Variants in CNTNAP2 observed in about 807,000 individuals in gnomAD.
CNTNAP2 encodes contactin associated protein 2.
CNTNAP2 carries 98 observed loss-of-function variants against 155.2 expected under a neutral mutation model. The observed-to-expected ratio is 0.63, with a 90% CI of 0.54 to 0.75. The LOEUF (loss-of-function observed/expected upper bound fraction) is 0.75, where lower values mean the gene tolerates loss of function less well. Among genes scored for constraint, CNTNAP2 ranks in the 30% least tolerant of loss-of-function variants. CNTNAP2 has a pLI of 0.00. For synonymous variants in CNTNAP2, 651 were observed against 631.2 expected (o/e 1.03, Z -0.47); for missense variants, 1,727 against 1,688.1 (o/e 1.02, Z -0.40).
chr7:146,787,234 G>A (rs1802589483), intron 2 of CNTNAP2, among the ~76,000 whole-genome samples: 1 of 152,146 alleles, frequency 6.6e-6, no homozygotes, highest in East Asian at 1.9e-4. Context: ...AAAATCACGT[G>A]CTTCTGAGGT....
At chr7:148,272,044 C>G (rs1367781034) in intron 21 of CNTNAP2, among the ~76,000 whole-genome samples, 1 of 152,088 alleles carries the variant, frequency 6.6e-6, no homozygotes, top group Non-Finnish European at 1.5e-5. Flanking sequence ...TTGATGAGCA[C>G]TCCTCAAAAA....
chr7:148,228,724 A>T (rs1475896588), intron 19 of CNTNAP2, among the ~76,000 whole-genome samples: 1 of 150,144 alleles, frequency 6.7e-6, no homozygotes, highest in Admixed American at 6.7e-5. Flanking sequence ...GCTACTGGGG[A>T]TGCTGAGACA....
chr7:147,618,280 G>A (rs1182568347), intron 12 of CNTNAP2, among the ~76,000 whole-genome samples: 4 of 152,088 alleles, frequency 2.6e-5, no homozygotes, highest in Non-Finnish European at 5.9e-5. Context: ...TAGACCATAA[G>A]GCAGCTAAGG....
At chr7:146,924,510 C>T (rs1223697279) in intron 3 of CNTNAP2, among the ~76,000 whole-genome samples, 3 of 152,060 alleles carry the variant, frequency 2.0e-5, no homozygotes, top group African/African-American at 7.2e-5. Flanking sequence ...AGCCAGAGTT[C>T]ACTTTCCTTA....
intron 10 of CNTNAP2, among the ~76,000 whole-genome samples, chr7:147,450,619 G>C (rs1267575592): frequency 6.6e-6 from 1 of 152,200 alleles, no homozygotes; most frequent in East Asian, 1.9e-4. Context: ...ATATTCATCA[G>C]ATCAGCCTTT....
chr7:147,287,169 G>A (rs1805198859), intron 8 of CNTNAP2, among the ~76,000 whole-genome samples: 2 of 152,118 alleles, frequency 1.3e-5, no homozygotes, highest in South Asian at 4.1e-4. Flanking sequence ...ATAGAGTGGG[G>A]TCAGTGGATG....
intron 1 of CNTNAP2, among the ~76,000 whole-genome samples, chr7:146,416,347 G>A (rs1473087257): frequency 2.0e-5 from 3 of 151,644 alleles, no homozygotes; most frequent in Non-Finnish European, 4.4e-5. Context: ...TCCACATTTT[G>A]ACCTGCTCCA....
At chr7:146,660,087 G>A (rs1800061028) in intron 1 of CNTNAP2, among the ~76,000 whole-genome samples, 1 of 152,218 alleles carries the variant, frequency 6.6e-6, no homozygotes, top group Admixed American at 6.5e-5. Context: ...GGGTAATAAA[G>A]AGGATGCCTT....
intron 1 of CNTNAP2, among the ~76,000 whole-genome samples, chr7:146,548,172 G>A (rs562191593): frequency 2.6e-5 from 4 of 151,900 alleles, no homozygotes; most frequent in East Asian, 1.9e-4. Context: ...ATGTGTCCAC[G>A]TGTTTTCATC....
intron 13 of CNTNAP2, among the ~76,000 whole-genome samples, chr7:147,852,329 G>A (rs1267465503): frequency 1.3e-5 from 2 of 152,120 alleles, no homozygotes; most frequent in Non-Finnish European, 2.9e-5. Flanking sequence ...GAGGAGGTAT[G>A]AATGAAAAGT....
intron 8 of CNTNAP2, among the ~76,000 whole-genome samples, chr7:147,224,048 T>TTC (rs377518552): frequency 4.6e-5 from 7 of 151,442 alleles, no homozygotes; most frequent in African/African-American, 1.7e-4. Flanking sequence ...TGGAGAACTG[T>TTC]CAGCCAGCGC....
Position 146,700,763 on chromosome 7 carries a change from T to C in CNTNAP2, c.98-73508T>C, listed in dbSNP as rs556551433. Among the ~76,000 whole-genome samples, 7 of 152,270 alleles carry C rather than the reference T, an allele frequency of 4.6e-5. No homozygotes were observed. The South Asian group carries it at 8.3e-4, about 18-fold the overall frequency. On this transcript the variant is annotated intron_variant, in intron 1 of 23. Coordinates refer to ENST00000361727, the MANE Select transcript of CNTNAP2 (RefSeq NM_014141.6). ...ATTTCAAAATGTCCTTAGTTAGCTC[T>C]GCGTGCAGGCAGGCCACCATAAATG...
At chr7:147,498,435 GCCACAGTT>G (rs1798750724) in intron 11 of CNTNAP2, among the ~76,000 whole-genome samples, 1 of 152,196 alleles carries the variant, frequency 6.6e-6, no homozygotes. Context: ...CAGTGTGATT[GCCACAGTT>G]CCACTGAACA....
chr7:146,770,583 C>T (rs1423885417), intron 1 of CNTNAP2, among the ~76,000 whole-genome samples: 1 of 151,716 alleles, frequency 6.6e-6, no homozygotes, highest in East Asian at 1.9e-4. Flanking sequence ...TGGCCCTGAT[C>T]TTTACTAAGC....
intron 19 of CNTNAP2, among the ~76,000 whole-genome samples, chr7:148,222,459 A>G: frequency 6.6e-6 from 1 of 152,072 alleles, no homozygotes. Context: ...CTCCCATGAG[A>G]ACCTGTTAAT....
At chr7:146,951,460 T>G (rs1471883508) in intron 3 of CNTNAP2, among the ~76,000 whole-genome samples, 1 of 152,130 alleles carries the variant, frequency 6.6e-6, no homozygotes, top group Non-Finnish European at 1.5e-5. Flanking sequence ...CCATCTTGAG[T>G]TAATTTTTGT....
chr7:148,011,287 T>TATC (rs374824502), intron 15 of CNTNAP2, among the ~76,000 whole-genome samples: 244 of 152,344 alleles, frequency 1.6e-3, no homozygotes, highest in African/African-American at 5.7e-3. Flanking sequence ...CATATAAATA[T>TATC]ATCAGTATTT....
At chr7:147,763,787 G>A (rs1797343983) in intron 13 of CNTNAP2, among the ~76,000 whole-genome samples, 1 of 152,204 alleles carries the variant, frequency 6.6e-6, no homozygotes, top group Non-Finnish European at 1.5e-5. Context: ...GAGCAGCAGT[G>A]TGGGGAGCTA....
At chr7:147,658,684 T>C (rs961402230) in intron 13 of CNTNAP2, among the ~76,000 whole-genome samples, 2 of 152,182 alleles carry the variant, frequency 1.3e-5, no homozygotes, top group Admixed American at 1.3e-4. Context: ...GAGTAAATGA[T>C]AGGATTGCAA....
Sources: allele counts gnomAD v4.1 joint callset (sites outside exome capture counted in the v4.1 genomes callset), GRCh38; gene constraint gnomAD v4.1.1; transcripts MANE v1.5; gene names NCBI Gene and HGNC (gene_info 2026-07-23, HGNC 2026-07-21).